Variants in PON3 observed in about 807,000 individuals in gnomAD.
The protein encoded by PON3 is paraoxonase 3.
In PON3, 37 loss-of-function variants were observed where a neutral mutation model predicts 36.3. The ratio of observed to expected loss-of-function variants is 1.02; its 90% CI spans 0.78 to 1.34. PON3 has a LOEUF of 1.34. Among genes scored for constraint, PON3 ranks in the 40% most tolerant of loss-of-function variants. The pLI is 0.00. For missense variants in PON3, 415 were observed against 426.5 expected, an observed-to-expected ratio of 0.97 and a Z score of 0.24; for synonymous variants, 155 against 154.8, an observed-to-expected ratio of 1.00 and a Z score of -0.01.
rs1178459073 is a variant in PON3 at position 95,367,409 on chromosome 7, T to C, written c.447A>G (p.Gln149=). 1.9e-6 allele frequency: 3 copies of C among 1,613,308 alleles called. No individual in the cohort carries two copies. Among genetic ancestry groups the C allele is most frequent in the South Asian group, 2.2e-5 (2 of 91,068 alleles). The change falls in exon 5 of 9, where the codon CAA becomes CAG. Residue 149 remains glutamine, a synonymous_variant. Transcript: ENST00000265627. ...TVEIFKFEEQ[Q]RSLVYLKTIK... is the part of the protein sequence containing the mutation. The stretch of plus-strand genomic sequence containing the variant: ...TAGTTTTCAGGTATACCAGAGAACG[T>C]TGTTGTTCCTCAAATTTAAATATCT...
chr7:95,389,275 T>G (rs1025144586), intron 3 of PON3, among the ~76,000 whole-genome samples: 3 of 152,164 alleles, frequency 2.0e-5, no homozygotes, highest in Non-Finnish European at 4.4e-5. Flanking sequence ...CCTCACTCTA[T>G]TCTACTGTGT....
chr7:95,374,005 C>A (rs1407702505), intron 3 of PON3, among the ~76,000 whole-genome samples: 2 of 152,072 alleles, frequency 1.3e-5, no homozygotes, highest in Non-Finnish European at 2.9e-5. Flanking sequence ...GTGAACTGAG[C>A]CTGCAAGGGA....
At chr7:95,394,802 G>A (rs1021566298) in intron 1 of PON3, 88 bp from the exon 2 acceptor site, 9 of 1,022,646 alleles carry the variant, frequency 8.8e-6, no homozygotes, top group Admixed American at 6.9e-5. Flanking sequence ...CTTCGTGTTG[G>A]TTAACTATCT....
chr7:95,394,817 C>A lies in PON3; in HGVS notation c.75-103G>T, dbSNP rs1478144706. On this transcript the variant is annotated intron_variant, in intron 1 of 8. Transcript: ENST00000265627. ...CTTCGTGTTGGTTAACTATCTTTAT[C>A]ATAATTTATGAATGACATAACAAGT... The A allele has an allele frequency of 4.4e-6, 4 of 912,506 alleles. No individual in the cohort carries two copies. The African/African-American group carries it at 4.9e-5, about 11-fold the overall frequency. 56.5% of individuals were successfully genotyped at this position (912,506 alleles called of 1,614,324 possible). A position where few individuals can be genotyped will look rare whatever the true frequency, so the allele number is the denominator to read the frequency against.
Position 95,372,352 on chromosome 7 carries a change from A to G in PON3, c.202-14T>C. 1 of 1,612,982 alleles carries G rather than the reference A, an allele frequency of 6.2e-7. No homozygotes were observed. The highest frequency in any genetic ancestry group is 8.5e-7 in the Non-Finnish European group (1 of 1,179,360). On this transcript the variant is annotated splice_polypyrimidine_tract_variant and intron_variant, in intron 3 of 8. Coordinates refer to ENST00000265627, the MANE Select transcript of PON3 (RefSeq NM_000940.3). ...ATATTTTAATCCCTTTTAAAAATAAAGAACAAGTGTGCACACATATACATA... is the reference window on the plus strand; with the variant it reads ...ATATTTTAATCCCTTTTAAAAATAAGGAACAAGTGTGCACACATATACATA...
intron 2 of PON3, among the ~76,000 whole-genome samples, chr7:95,391,760 T>C (rs372712708): frequency 2.0e-5 from 3 of 152,214 alleles, no homozygotes; most frequent in African/African-American, 7.2e-5. Context: ...TCTTATCCAT[T>C]ATCTTAATTT....
At chr7:95,382,655 A>T (rs1809088309) in intron 3 of PON3, among the ~76,000 whole-genome samples, 1 of 152,232 alleles carries the variant, frequency 6.6e-6, no homozygotes, top group Non-Finnish European at 1.5e-5. Flanking sequence ...TAAACCAGGA[A>T]GAACTTGAAT....
chr7:95,375,125 C>A (rs927923300), intron 3 of PON3, among the ~76,000 whole-genome samples: 3 of 152,008 alleles, frequency 2.0e-5, no homozygotes, highest in African/African-American at 4.8e-5. Flanking sequence ...TCACTATGCT[C>A]CCCAACATCA....
intron 3 of PON3, among the ~76,000 whole-genome samples, chr7:95,377,954 C>T (rs375855233): frequency 6.6e-6 from 1 of 152,134 alleles, no homozygotes; most frequent in African/African-American, 2.4e-5. Context: ...TAATAACAAA[C>T]TTCTCCGAGC....
intron 5 of PON3, 190 bp from the exon 6 acceptor site, chr7:95,364,253 C>T (rs969908652): frequency 1.2e-5 from 7 of 596,522 alleles, no homozygotes; most frequent in African/African-American, 1.1e-4. Flanking sequence ...TTTCTTTAGC[C>T]ATTTGTTATT....
Position 95,396,375 on chromosome 7 carries a change from T to C in PON3, c.-25A>G. 15 of 1,610,904 alleles carry C rather than the reference T, an allele frequency of 9.3e-6. No homozygotes were observed. Among genetic ancestry groups the C allele is most frequent in the Non-Finnish European group, 1.3e-5 (15 of 1,178,278 alleles). ...TGGTCTCGGGGTGCCCAGCGGCGAC[T>C]GCGCGGCGCCGAGAGCTCTCGGGGG... On this transcript the variant is annotated 5_prime_UTR_variant, in exon 1 of 9. Transcript: ENST00000265627.
rs2072199 is a variant in PON3, at chr7:95,396,141, G to A, written c.74+136C>T. The A allele has an allele frequency of 0.22, 206,507 of 943,186 alleles. 28,089 individuals carry two copies. The highest frequency in any genetic ancestry group is 0.6 in the East Asian group (24,822 of 41,252). The allele number at this position is 943,186 out of a possible 1,614,324, so 58.4% of individuals were successfully genotyped here. ...ATAAGCGAGTCTCAAGGGGCGGTTT[G>A]CTGGGTGAGATGGAGGAGTGAGGTT... On this transcript the variant is annotated intron_variant, in intron 1 of 8. Coordinates refer to ENST00000265627, the MANE Select transcript of PON3 (RefSeq NM_000940.3).
At chr7:95,367,620 A>C in intron 4 of PON3, 132 bp from the exon 5 acceptor site, 1 of 932,540 alleles carries the variant, frequency 1.1e-6, no homozygotes, top group Non-Finnish European at 1.7e-6. Flanking sequence ...AGTCTACATG[A>C]TAGGTAAGTC....
At chr7:95,386,568 G>A (rs1206790342) in intron 3 of PON3, among the ~76,000 whole-genome samples, 1 of 152,070 alleles carries the variant, frequency 6.6e-6, no homozygotes, top group Non-Finnish European at 1.5e-5. Flanking sequence ...GAGGAGCTGG[G>A]ACGATTCCTT....
At position 95,360,067 on chromosome 7, in the gene PON3, C is replaced by G. The variant is rs139856535; in HGVS notation, c.971G>C (p.Gly324Ala). Residue 324 changes from glycine to alanine, a missense_variant, in exon 9 of 9, where the codon GGC becomes GCC. By Grantham distance (60) the Gly-to-Ala change is moderately conservative. Transcript: ENST00000265627. ...CACAGAGGTGCCCTGAAGCACAGAG[C>G]CATTGTTGGCATACACGGTGCTCAC... ...PRVSTVYANN[G>A]SVLQGTSVAS... The G allele has an allele frequency of 8.7e-6, 14 of 1,613,330 alleles. No homozygotes were observed. The highest frequency in any genetic ancestry group is 1.7e-5 in the Admixed American group (1 of 59,970).
rs1214106731 is a variant in PON3 at position 95,372,154 on chromosome 7, C to T, written c.367+19G>A. On this transcript the variant is annotated intron_variant, in intron 4 of 8. Transcript: ENST00000265627. The stretch of plus-strand genomic sequence containing the variant: ...TATTTCCCTCATTTCCCCCTTATCC[C>T]TAAACATACAGGTTTTACCTTTGTC... The T allele has an allele frequency of 1.2e-6, 2 of 1,609,760 alleles. No individual in the cohort carries two copies. Among genetic ancestry groups the T allele is most frequent in the Non-Finnish European group, 1.7e-6 (2 of 1,176,212 alleles).
intron 3 of PON3, among the ~76,000 whole-genome samples, chr7:95,372,736 A>C (rs935961236): frequency 6.6e-6 from 1 of 152,136 alleles, no homozygotes. Flanking sequence ...GGTATTCTAT[A>C]ACTAACCTTC....
At chr7:95,363,524 G>T (rs768769723) in intron 6 of PON3, 7 of 342,274 alleles carry the variant, frequency 2.0e-5, no homozygotes, top group Admixed American at 4.3e-5. Flanking sequence ...AGCATAAGTG[G>T]TCAAATACTT....
intron 3 of PON3, among the ~76,000 whole-genome samples, chr7:95,383,380 G>T (rs1585729956): frequency 6.6e-6 from 1 of 152,148 alleles, no homozygotes; most frequent in East Asian, 1.9e-4. Context: ...AAGAAATAAA[G>T]GATATTCAAT....
Sources: allele counts gnomAD v4.1 joint callset (sites outside exome capture counted in the v4.1 genomes callset), GRCh38; gene constraint gnomAD v4.1.1; transcripts MANE v1.5; gene names NCBI Gene and HGNC (gene_info 2026-07-23, HGNC 2026-07-21).